Variants in MED12L observed in about 807,000 individuals in gnomAD.
The protein encoded by MED12L is mediator complex subunit 12L, also known as mediator of RNA polymerase II transcription subunit 12-like protein.
A neutral mutation model predicts 281.3 loss-of-function variants in MED12L; 60 were observed. The observed-to-expected ratio is 0.21, with a 90% CI of 0.17 to 0.26. The LOEUF (loss-of-function observed/expected upper bound fraction) is 0.26, where lower values mean the gene tolerates loss of function less well. Among genes scored for constraint, MED12L ranks in the 10% least tolerant of loss-of-function variants. The pLI is 1.00. For missense variants in MED12L, 2,146 were observed against 2,680.9 expected, an observed-to-expected ratio of 0.80 and a Z score of 4.41; for synonymous variants, 974 against 987.2, an observed-to-expected ratio of 0.99 and a Z score of 0.25.
At position 151,294,602 on chromosome 3, in the gene MED12L, A is replaced by G. The variant is rs761944473; in HGVS notation, c.2251-55457A>G. ...GATCAGAATCACCAGCACGGCCACA[A>G]ACAAGCAGCTGTTCACATAGGTGAC... On this transcript the variant is annotated intron_variant, in intron 16 of 44. Transcript: ENST00000687756. 5.0e-5 allele frequency: 81 copies of G among 1,614,030 alleles called. No individual in the cohort carries two copies. The highest frequency in any genetic ancestry group is 6.8e-5 in the Non-Finnish European group (80 of 1,180,022).
Position 151,434,222 on chromosome 3 carries a change from ACTT to A in MED12L, c.*1419_*1421del, listed in dbSNP as rs1337125725. 6.6e-6 allele frequency: 1 copy of A among 152,154 alleles called. No homozygotes were observed. Among genetic ancestry groups the A allele is most frequent in the Non-Finnish European group, 1.5e-5 (1 of 68,018 alleles). The allele number at this position is 152,154 out of a possible 1,614,324, so 9.4% of individuals were successfully genotyped here. ...TATAATGAGCAGACCATGTAAATCT[ACTT>A]TTTTTAAAATGTAGCTAGTACAACT... On this transcript the variant is annotated 3_prime_UTR_variant, in exon 45 of 45. Transcript: ENST00000687756.
chr3:151,306,335 G>C (rs939678311), intron 16 of MED12L, among the ~76,000 whole-genome samples: 1 of 152,196 alleles, frequency 6.6e-6, no homozygotes, highest in African/African-American at 2.4e-5. Context: ...CTGAGAATGT[G>C]TTAATAGTCA....
chr3:151,244,856 A>C (rs536382971), intron 16 of MED12L, among the ~76,000 whole-genome samples: 16 of 152,304 alleles, frequency 1.1e-4, no homozygotes, highest in Admixed American at 6.5e-4. Context: ...GATCAACAAA[A>C]TTGATAGACC....
At chr3:151,390,218 A>C in intron 38 of MED12L, 83 bp downstream of exon 38, 5 of 1,378,128 alleles carry the variant, frequency 3.6e-6, no homozygotes, top group Non-Finnish European at 5.1e-6. Flanking sequence ...ACCTCCACAA[A>C]ACTTGGACAT....
At chr3:151,150,463 AG>A (rs1718305381) in intron 5 of MED12L, among the ~76,000 whole-genome samples, 1 of 152,186 alleles carries the variant, frequency 6.6e-6, no homozygotes, top group Non-Finnish European at 1.5e-5. Context: ...TTATTTACAG[AG>A]AACAGACGGA....
At chr3:151,313,737 A>G (rs956595256) in intron 16 of MED12L, among the ~76,000 whole-genome samples, 4 of 151,910 alleles carry the variant, frequency 2.6e-5, no homozygotes, top group African/African-American at 9.7e-5. Context: ...CCAGCCACTT[A>G]GGAGTCTGAG....
At chr3:151,394,355 T>C (rs1413834213) in intron 38 of MED12L, among the ~76,000 whole-genome samples, 1 of 152,224 alleles carries the variant, frequency 6.6e-6, no homozygotes, top group East Asian at 1.9e-4. Flanking sequence ...CTTGCCTAAT[T>C]TAAAACCCAT....
chr3:151,144,850 G>A (rs1210865241), intron 5 of MED12L, among the ~76,000 whole-genome samples: 3 of 152,048 alleles, frequency 2.0e-5, no homozygotes, highest in Non-Finnish European at 2.9e-5. Context: ...TGCCGCCCCC[G>A]ACATACCTGC....
At chr3:151,160,966 C>T (rs1719904087) in intron 8 of MED12L, among the ~76,000 whole-genome samples, 2 of 152,162 alleles carry the variant, frequency 1.3e-5, no homozygotes, top group Admixed American at 1.3e-4. Context: ...GGAAGAGGCC[C>T]AGAGGCTGGT....
intron 16 of MED12L, among the ~76,000 whole-genome samples, chr3:151,309,902 C>T (rs1417377980): frequency 6.6e-6 from 1 of 152,104 alleles, no homozygotes. Context: ...TTATTTTTAA[C>T]AATTTTTTTT....
At chr3:151,275,530 G>A (rs1741705546) in intron 16 of MED12L, among the ~76,000 whole-genome samples, 1 of 152,112 alleles carries the variant, frequency 6.6e-6, no homozygotes, top group Non-Finnish European at 1.5e-5. Flanking sequence ...AAAAGCATAT[G>A]ACCAGTATTT....
chr3:151,156,242 G>T lies in MED12L; in HGVS notation c.638G>T (p.Gly213Val). 6.2e-7 allele frequency: 1 copy of T among 1,613,654 alleles called. No individual in the cohort carries two copies. The highest frequency in any genetic ancestry group is 1.1e-5 in the South Asian group (1 of 90,912). The stretch of plus-strand genomic sequence containing the variant: ...TTTTACCACATGGCCTCCAGCACGG[G>T]CGATGGCCCTGTCCCTGTGCCACCA... ...SDFYHMASSTGDGPVPVPPEV... is the reference protein window; with the variant it reads ...SDFYHMASSTVDGPVPVPPEV... Residue 213 changes from glycine to valine, a missense_variant, in exon 6 of 45, where the codon GGC (glycine) becomes GTC (valine). Physicochemically the swap from Gly to Val is moderately radical, Grantham distance 109. This residue lies in a region of MED12L where 722 missense variants were observed against 861.2 expected (regional missense o/e 0.84). Coordinates refer to ENST00000687756, the MANE Select transcript of MED12L (RefSeq NM_001393769.1).
intron 16 of MED12L, among the ~76,000 whole-genome samples, chr3:151,240,197 A>G (rs1469507904): frequency 6.6e-6 from 1 of 152,094 alleles, no homozygotes; most frequent in African/African-American, 2.4e-5. Context: ...TAGGTAGTCA[A>G]TGGGCCTGTG....
At chr3:151,357,941 G>A (rs867108614) in intron 20 of MED12L, among the ~76,000 whole-genome samples, 1 of 152,170 alleles carries the variant, frequency 6.6e-6, no homozygotes, top group Non-Finnish European at 1.5e-5. Flanking sequence ...CTGAGGCTAA[G>A]GCACCAAATT....
At chr3:151,332,615 CAT>C (rs761740043) in intron 16 of MED12L, among the ~76,000 whole-genome samples, 4 of 152,012 alleles carry the variant, frequency 2.6e-5, no homozygotes, top group East Asian at 1.9e-4. Context: ...GAAATACAAA[CAT>C]ATATAGTAGA....
chr3:151,354,023 C>T (rs1315582851), intron 17 of MED12L, among the ~76,000 whole-genome samples: 3 of 148,880 alleles, frequency 2.0e-5, no homozygotes, highest in Admixed American at 6.7e-5. Flanking sequence ...CGCCTGTAGT[C>T]CCAGCTACTT....
chr3:151,353,958 G>A (rs1384898583), intron 17 of MED12L, among the ~76,000 whole-genome samples: 1 of 151,160 alleles, frequency 6.6e-6, no homozygotes, highest in Non-Finnish European at 1.5e-5. Flanking sequence ...CGGCTAACAC[G>A]GTGAAACCCC....
intron 21 of MED12L, among the ~76,000 whole-genome samples, chr3:151,362,011 AG>A (rs1220363679): frequency 6.6e-6 from 1 of 152,142 alleles, no homozygotes; most frequent in Non-Finnish European, 1.5e-5. Context: ...ATCCAGAAGG[AG>A]GTAGGGAAAG....
chr3:151,329,520 G>A (rs772476009), intron 16 of MED12L: 17 of 1,547,078 alleles, frequency 1.1e-5, no homozygotes, highest in Admixed American at 3.9e-5. Flanking sequence ...TTCTTATGGC[G>A]GCAGTCATTA....
Sources: gnomAD v4.1 joint callset for allele counts (sites outside exome capture counted in the v4.1 genomes callset) on GRCh38, gnomAD v4.1.1 for gene constraint, gnomAD v4.1.1 regional missense constraint, MANE v1.5 for transcripts, NCBI Gene and HGNC (gene_info 2026-07-23, HGNC 2026-07-21) for gene names.